The following GALNT13 variants were observed in gnomAD, a reference collection of about 807,000 sequenced individuals.
The protein encoded by GALNT13 is polypeptide N-acetylgalactosaminyltransferase 13.
GALNT13 carries 28 observed loss-of-function variants against 64.2 expected under a neutral mutation model. The observed-to-expected ratio is 0.44, with a 90% CI of 0.32 to 0.60. The LOEUF is 0.60. Among genes scored for constraint, GALNT13 ranks in the 20% least tolerant of loss-of-function variants. The pLI is 0.05. For synonymous variants in GALNT13, 214 were observed against 224.6 expected, an observed-to-expected ratio of 0.95 and a Z score of 0.42; for missense variants, 577 against 669.8, an observed-to-expected ratio of 0.86 and a Z score of 1.53.
chr2:153,295,633 C>G, the GALNT13 span, among the ~76,000 whole-genome samples: 6 of 151,986 alleles, frequency 3.9e-5, no homozygotes, highest in Non-Finnish European at 7.4e-5. Context: ...CTTTTGCGCA[C>G]TAAAGTTTGA....
the GALNT13 span, among the ~76,000 whole-genome samples, chr2:153,483,263 G>T: frequency 4.2e-4 from 64 of 152,094 alleles, no homozygotes; most frequent in Non-Finnish European, 6.5e-4. Flanking sequence ...CTTAAACAGG[G>T]ATATGTATAT....
At chr2:153,350,495 A>T in the GALNT13 span, among the ~76,000 whole-genome samples, 3 of 147,478 alleles carry the variant, frequency 2.0e-5, no homozygotes, top group Non-Finnish European at 3.0e-5. Flanking sequence ...CGATTCTCCT[A>T]CCTCAACCTC....
intron 3 of GALNT13, among the ~76,000 whole-genome samples, chr2:154,110,380 G>GAGAGAGAGAGAGAGAGAGAGAGAC (rs1702912744): frequency 1.5e-5 from 2 of 129,610 alleles, no homozygotes; most frequent in African/African-American, 5.9e-5. Flanking sequence ...GAGAGAGACA[G>GAGAGAGAGAGAGAGAGAGAGAGAC]AGAGAGAGAG....
At chr2:153,595,670 A>T in the GALNT13 span, among the ~76,000 whole-genome samples, 2 of 152,128 alleles carry the variant, frequency 1.3e-5, no homozygotes, top group African/African-American at 4.8e-5. Flanking sequence ...TGCTTTAAAA[A>T]TTTGTTAAAC....
At chr2:153,250,666 T>C in the GALNT13 span, among the ~76,000 whole-genome samples, 1 of 152,074 alleles carries the variant, frequency 6.6e-6, no homozygotes, top group African/African-American at 2.4e-5. Context: ...ATAAAGAAAA[T>C]GTGGCACATA....
At chr2:153,893,727 ATATGGACAAGCCATAATTTACT>A (rs1424026820) in intron 1 of GALNT13, among the ~76,000 whole-genome samples, 1 of 152,068 alleles carries the variant, frequency 6.6e-6, no homozygotes, top group African/African-American at 2.4e-5. Flanking sequence ...GCATTTCATC[ATATGGACAAGCCATAATTTACT>A]TAGTTGATCC....
chr2:154,097,914 A>C (rs2105455230), intron 3 of GALNT13, among the ~76,000 whole-genome samples: 1 of 152,108 alleles, frequency 6.6e-6, no homozygotes, highest in Middle Eastern at 3.4e-3. Flanking sequence ...AGGTAACCTA[A>C]GGATAACAAC....
the GALNT13 span, among the ~76,000 whole-genome samples, chr2:153,701,390 C>T: frequency 6.6e-6 from 1 of 152,126 alleles, no homozygotes; most frequent in Non-Finnish European, 1.5e-5. Flanking sequence ...ACCATAAAAA[C>T]CCTAGAAGAA....
In GALNT13 at chr2:154,409,003, A is replaced by T; in HGVS notation, c.1316A>T (p.Asn439Ile). 1 of 1,609,724 alleles carries T rather than the reference A, an allele frequency of 6.2e-7. No individual in the cohort carries two copies. The highest frequency in any genetic ancestry group is 8.5e-7 in the Non-Finnish European group (1 of 1,176,644). Reference sequence around the variant, plus strand: ...CTTTAGATAAGAAATGTTGAAACCAATCAGTGTTTAGACAACATGGGCCGC... The same window carrying T: ...CTTTAGATAAGAAATGTTGAAACCATTCAGTGTTTAGACAACATGGGCCGC... ...SLGEIRNVET[N>I]QCLDNMGRKE... The change falls in exon 11 of 13, where the codon AAT (asparagine) becomes ATT (isoleucine). Residue 439 changes from asparagine (N) to isoleucine (I), a missense_variant. Asn to Ile is a moderately radical substitution (Grantham distance 149, BLOSUM62 -3). Transcript: ENST00000392825.
chr2:153,719,508 G>C, the GALNT13 span, among the ~76,000 whole-genome samples: 1 of 152,178 alleles, frequency 6.6e-6, no homozygotes, highest in South Asian at 2.1e-4. Flanking sequence ...CAGCTTGAGC[G>C]ACGCAGAAGA....
At chr2:153,253,724 A>T in the GALNT13 span, among the ~76,000 whole-genome samples, 1 of 150,618 alleles carries the variant, frequency 6.6e-6, no homozygotes. Flanking sequence ...CTATTGAGAT[A>T]ATCATGTGGT....
At chr2:154,141,117 T>C (rs1167618597) in intron 4 of GALNT13, among the ~76,000 whole-genome samples, 2 of 152,072 alleles carry the variant, frequency 1.3e-5, no homozygotes, top group East Asian at 3.9e-4. Context: ...ATTTGTATAC[T>C]TGTATAGGTC....
At chr2:153,656,368 G>T in the GALNT13 span, among the ~76,000 whole-genome samples, 1 of 151,628 alleles carries the variant, frequency 6.6e-6, no homozygotes, top group Non-Finnish European at 1.5e-5. Context: ...GTGTGCATGT[G>T]TATGTGCATT....
the GALNT13 span, among the ~76,000 whole-genome samples, chr2:153,122,240 G>C: frequency 2.0e-5 from 3 of 151,724 alleles, no homozygotes; most frequent in African/African-American, 7.3e-5. Context: ...TGCAATGTCT[G>C]CTATATGGTG....
Position 154,203,092 on chromosome 2 carries a change from C to A in GALNT13, c.312-38938C>A, listed in dbSNP as rs551150632. 5.9e-5 allele frequency among the ~76,000 whole-genome samples: 9 copies of A among 152,146 alleles called. No individual in the cohort carries two copies. In the South Asian group the frequency reaches 1.9e-3, roughly 32 times the overall value. On this transcript the variant is annotated intron_variant, in intron 4 of 12. Coordinates refer to ENST00000392825, the MANE Select transcript of GALNT13 (RefSeq NM_052917.4). ...TCGGGGGCTATAACTGGCCCCCAAG[C>A]AGAAGTATCCCAGAATGTAAAACTT... is the stretch of plus-strand genomic sequence containing the variant.
At chr2:153,190,304 T>C in the GALNT13 span, among the ~76,000 whole-genome samples, 1 of 152,112 alleles carries the variant, frequency 6.6e-6, no homozygotes, top group Non-Finnish European at 1.5e-5. Flanking sequence ...TGCATATGGA[T>C]ATCCAGTTTT....
intron 3 of GALNT13, among the ~76,000 whole-genome samples, chr2:154,124,302 G>A (rs921374499): frequency 6.6e-6 from 1 of 151,908 alleles, no homozygotes; most frequent in Admixed American, 6.6e-5. Flanking sequence ...CTAGCCAAAA[G>A]GAATATGTTC....
the GALNT13 span, among the ~76,000 whole-genome samples, chr2:153,368,634 A>C: frequency 6.6e-6 from 1 of 152,178 alleles, no homozygotes; most frequent in Admixed American, 6.6e-5. Context: ...AACAGTTTTA[A>C]TGTGTATATT....
chr2:154,348,722 G>A (rs1270352430), intron 9 of GALNT13, among the ~76,000 whole-genome samples: 2 of 151,880 alleles, frequency 1.3e-5, no homozygotes, highest in Non-Finnish European at 2.9e-5. Context: ...ATACTAGATG[G>A]TAGGAAAACC....
Sources: allele counts gnomAD v4.1 joint callset (sites outside exome capture counted in the v4.1 genomes callset), GRCh38; gene constraint gnomAD v4.1.1; transcripts MANE v1.5; gene names NCBI Gene and HGNC (gene_info 2026-07-23, HGNC 2026-07-21).